Variants in CPED1 observed in about 807,000 individuals in gnomAD.
CPED1 encodes the protein cadherin-like and PC-esterase domain-containing protein 1.
In CPED1, 114 loss-of-function variants were observed where a neutral mutation model predicts 128.2. That is an observed-to-expected ratio of 0.89 (90% CI 0.76 to 1.04). The LOEUF is 1.04. CPED1 is among the 50% of genes least tolerant of loss of function. CPED1 has a pLI of 0.00. For missense variants in CPED1, 1,211 were observed against 1,207.1 expected (o/e 1.00, Z -0.05); for synonymous variants, 462 against 426.7 (o/e 1.08, Z -1.02).
At chr7:121,290,887 TC>T (rs1271579054) in intron 22 of CPED1, among the ~76,000 whole-genome samples, 1 of 152,216 alleles carries the variant, frequency 6.6e-6, no homozygotes, top group East Asian at 1.9e-4. Context: ...CATGCCTATG[TC>T]CTGAATGGTA....
chr7:121,184,140 C>A (rs372705776), intron 16 of CPED1, among the ~76,000 whole-genome samples: 122 of 141,280 alleles, frequency 8.6e-4, no homozygotes, highest in East Asian at 1.2e-3. Context: ...GACTCTGTCT[C>A]AAAAAAAAAA....
chr7:121,290,635 C>T (rs1175460217), intron 22 of CPED1, among the ~76,000 whole-genome samples: 3 of 152,184 alleles, frequency 2.0e-5, no homozygotes, highest in Non-Finnish European at 4.4e-5. Context: ...ATATCCTTCA[C>T]CCACTTTTTG....
intron 5 of CPED1, among the ~76,000 whole-genome samples, chr7:121,067,965 GT>G (rs914040402): frequency 6.6e-6 from 1 of 152,016 alleles, no homozygotes. Context: ...GGGGTTGTTT[GT>G]TTTTTTCTTG....
intron 6 of CPED1, 55 bp downstream of exon 6, chr7:121,097,886 A>T: frequency 1.3e-6 from 2 of 1,593,020 alleles, no homozygotes; most frequent in Non-Finnish European, 1.7e-6. Context: ...GAGACAGCTA[A>T]CAAGAGAAAA....
rs35159862 is a variant in CPED1, at chr7:121,044,648, C to CTTTTTTTTTTTTTTTTTTTTTTT, written c.434-2238_434-2237insTTTTTTTTTTTTTTTTTTTTTTT. Among the ~76,000 whole-genome samples the CTTTTTTTTTTTTTTTTTTTTTTT allele has an allele frequency of 1.8e-3, 128 of 69,496 alleles. 50 individuals are homozygous for CTTTTTTTTTTTTTTTTTTTTTTT. Among genetic ancestry groups the CTTTTTTTTTTTTTTTTTTTTTTT allele is most frequent in the East Asian group, 4.8e-3 (10 of 2,064 alleles). 45.6% of individuals were successfully genotyped at this position (69,496 alleles called of 152,430 possible). ...GATTGCTGAGAGCAGTGACTTTCTGCTCTTTTTTTTTTTTTTTTTTTGCTA... is the reference window on the plus strand; with the variant it reads ...GATTGCTGAGAGCAGTGACTTTCTGCTTTTTTTTTTTTTTTTTTTTTTTTCTTTTTTTTTTTTTTTTTTTGCTA... On this transcript the variant is annotated intron_variant, in intron 3 of 22. Transcript: ENST00000310396.
At chr7:121,243,549 G>A (rs1798450805) in intron 17 of CPED1, among the ~76,000 whole-genome samples, 1 of 152,254 alleles carries the variant, frequency 6.6e-6, no homozygotes, top group African/African-American at 2.4e-5. Flanking sequence ...TATTGCAAAT[G>A]TGTCTTAAAT....
intron 22 of CPED1, among the ~76,000 whole-genome samples, chr7:121,278,149 A>G (rs1792366517): frequency 6.6e-6 from 1 of 152,178 alleles, no homozygotes; most frequent in South Asian, 2.1e-4. Flanking sequence ...GCTTTCAACA[A>G]ATAAAAATAA....
At chr7:121,029,483 G>T (rs1215365952) in intron 3 of CPED1, among the ~76,000 whole-genome samples, 2 of 152,150 alleles carry the variant, frequency 1.3e-5, no homozygotes, top group East Asian at 3.9e-4. Context: ...ATTGTTATTT[G>T]TGTCATATTA....
rs1475737031 is a variant in CPED1 at position 121,152,743 on chromosome 7, A to G, written c.2055+10602A>G. Among the ~76,000 whole-genome samples, 5 of 152,214 alleles carry G rather than the reference A, an allele frequency of 3.3e-5. No individual in the cohort carries two copies. The East Asian group carries it at 9.6e-4, about 29-fold the overall frequency. On this transcript the variant is annotated intron_variant, in intron 16 of 22. Transcript: ENST00000310396. Reference sequence around the variant, plus strand: ...TTAAAACATCAAATTTTATTTTTCCATTGAAGTCTAGTAAAATGTATTGGA... The same window carrying G: ...TTAAAACATCAAATTTTATTTTTCCGTTGAAGTCTAGTAAAATGTATTGGA...
intron 3 of CPED1, among the ~76,000 whole-genome samples, chr7:121,034,576 C>T (rs1792837718): frequency 6.6e-6 from 1 of 152,098 alleles, no homozygotes; most frequent in Non-Finnish European, 1.5e-5. Flanking sequence ...TGACACTAAG[C>T]ACTCAAGTCT....
chr7:121,066,900 C>T lies in CPED1; in HGVS notation c.616+2587C>T, dbSNP rs189775293. On this transcript the variant is annotated intron_variant, in intron 5 of 22. Transcript: ENST00000310396. ...TGCATGTTGAGTATTACATTGAATC[C>T]GTGGAATGAAGTGATATGCAGGCAT... Among the ~76,000 whole-genome samples, 18 of 152,064 alleles carry T rather than the reference C, an allele frequency of 1.2e-4. No individual in the cohort carries two copies. In the East Asian group the frequency reaches 2.9e-3, roughly 25 times the overall value.
rs148486738 is a variant in CPED1, at chr7:121,158,271, A to C, written c.2055+16130A>C. On this transcript the variant is annotated intron_variant, in intron 16 of 22. Transcript: ENST00000310396. Reference sequence around the variant, plus strand: ...TGAGGCAATAGTGGTACAGAATGAAAAAATAATGATTTGTGTAAAGCCCCC... The same window carrying C: ...TGAGGCAATAGTGGTACAGAATGAACAAATAATGATTTGTGTAAAGCCCCC... Among the ~76,000 whole-genome samples, 990 of 152,332 alleles carry C rather than the reference A, an allele frequency of 6.5e-3. 10 individuals carry two copies. Among genetic ancestry groups the C allele is most frequent in the African/African-American group, 0.022 (927 of 41,576 alleles).
intron 16 of CPED1, among the ~76,000 whole-genome samples, chr7:121,184,167 A>T (rs981775522): frequency 1.3e-5 from 2 of 151,878 alleles, no homozygotes; most frequent in Admixed American, 1.3e-4. Context: ...ATTTTGTGTG[A>T]TTCTTTTCTT....
intron 5 of CPED1, among the ~76,000 whole-genome samples, chr7:121,097,248 A>G (rs1794721754): frequency 6.6e-6 from 1 of 152,166 alleles, no homozygotes; most frequent in Non-Finnish European, 1.5e-5. Flanking sequence ...TGAGATTCCC[A>G]AGGTCAGGAA....
intron 18 of CPED1, among the ~76,000 whole-genome samples, chr7:121,264,815 A>G (rs1792090496): frequency 6.6e-6 from 1 of 152,120 alleles, no homozygotes; most frequent in Non-Finnish European, 1.5e-5. Context: ...TGTCTATGAC[A>G]AAAGTCCTTT....
chr7:121,262,458 T>G (rs1192083304), intron 18 of CPED1, among the ~76,000 whole-genome samples: 1 of 152,072 alleles, frequency 6.6e-6, no homozygotes, highest in African/African-American at 2.4e-5. Context: ...TCCTGTATAC[T>G]CTGTGGTAGC....
intron 5 of CPED1, among the ~76,000 whole-genome samples, chr7:121,079,635 A>G (rs898706993): frequency 6.6e-6 from 1 of 152,246 alleles, no homozygotes; most frequent in African/African-American, 2.4e-5. Flanking sequence ...GGCCAGTTTA[A>G]AAGTCCACTT....
chr7:121,156,260 G>A (rs1389415581), intron 16 of CPED1, among the ~76,000 whole-genome samples: 1 of 152,100 alleles, frequency 6.6e-6, no homozygotes, highest in African/African-American at 2.4e-5. Flanking sequence ...TAGAACAGCC[G>A]CTATGGAGAA....
intron 15 of CPED1, 139 bp from the exon 16 acceptor site, chr7:121,141,834 A>G: frequency 1.7e-6 from 1 of 585,258 alleles, no homozygotes; most frequent in Non-Finnish European, 2.9e-6. Context: ...TTCATAGTTT[A>G]GGTTTCTTAT....
Sources: allele counts gnomAD v4.1 joint callset (sites outside exome capture counted in the v4.1 genomes callset), GRCh38; gene constraint gnomAD v4.1.1; transcripts MANE v1.5; gene names NCBI Gene and HGNC (gene_info 2026-07-23, HGNC 2026-07-21).